The following RANBP2 variants were observed in gnomAD, a reference collection of about 807,000 sequenced individuals.
RANBP2 encodes the protein RAN binding protein 2.
RANBP2 carries 57 observed loss-of-function variants against 303.6 expected under a neutral mutation model. The ratio of observed to expected loss-of-function variants is 0.19; its 90% confidence interval spans 0.15 to 0.23. The LOEUF (loss-of-function observed/expected upper bound fraction) is 0.23. RANBP2 is among the 10% of genes least tolerant of loss of function. RANBP2 has a pLI of 1.00. For missense variants in RANBP2, 3,138 were observed against 3,780.8 expected (o/e 0.83, Z 4.46); for synonymous variants, 1,167 against 1,301.5 (o/e 0.90, Z 2.23).
At chr2:109,666,691 T>C in the RANBP2 span, among the ~76,000 whole-genome samples, 2 of 152,188 alleles carry the variant, frequency 1.3e-5, no homozygotes, top group Non-Finnish European at 2.9e-5. Flanking sequence ...TGGCTGCTAA[T>C]TGGAGGAAAA....
chr2:108,871,370 TAAAAAA>T, the RANBP2 span, among the ~76,000 whole-genome samples: 21 of 76,650 alleles, frequency 2.7e-4, no homozygotes, highest in African/African-American at 5.4e-4. Flanking sequence ...CCAACTCTAT[TAAAAAA>T]AAAAAAAAAA....
At chr2:109,167,555 T>C in the RANBP2 span, among the ~76,000 whole-genome samples, 1 of 152,200 alleles carries the variant, frequency 6.6e-6, no homozygotes, top group South Asian at 2.1e-4. Flanking sequence ...CTGAATTCTT[T>C]TATTTAATTC....
chr2:109,697,198 G>A, the RANBP2 span, among the ~76,000 whole-genome samples: 8 of 152,096 alleles, frequency 5.3e-5, no homozygotes, highest in Admixed American at 6.6e-5. Flanking sequence ...AATATAAAAG[G>A]CATTTCTTTG....
chr2:108,881,743 G>A, the RANBP2 span, among the ~76,000 whole-genome samples: 1 of 152,182 alleles, frequency 6.6e-6, no homozygotes, highest in African/African-American at 2.4e-5. Context: ...GAGAGATGGG[G>A]GATCAGCCAG....
At chr2:109,005,154 C>T in the RANBP2 span, among the ~76,000 whole-genome samples, 1 of 152,226 alleles carries the variant, frequency 6.6e-6, no homozygotes, top group Non-Finnish European at 1.5e-5. Context: ...ACCCTGTGTG[C>T]CAGGCCCCAC....
At chr2:109,471,206 C>T in the RANBP2 span, among the ~76,000 whole-genome samples, 3 of 40,144 alleles carry the variant, frequency 7.5e-5, no homozygotes, top group Non-Finnish European at 2.0e-4. Context: ...GACTCTGTCT[C>T]AAAAAAAAAA....
the RANBP2 span, among the ~76,000 whole-genome samples, chr2:109,558,277 A>C: frequency 4.6e-5 from 7 of 152,316 alleles, no homozygotes; most frequent in African/African-American, 1.4e-4. Context: ...ACTTTTTCCA[A>C]GTCTACTATA....
the RANBP2 span, among the ~76,000 whole-genome samples, chr2:109,589,261 G>A: frequency 6.6e-6 from 1 of 152,082 alleles, no homozygotes; most frequent in Admixed American, 6.6e-5. Context: ...GGTCAGGTGC[G>A]GTGGCTCATG....
At chr2:109,419,855 T>C in the RANBP2 span, among the ~76,000 whole-genome samples, 2 of 152,236 alleles carry the variant, frequency 1.3e-5, no homozygotes, top group Non-Finnish European at 2.9e-5. Context: ...GGACATTTCT[T>C]CTAAGCAGGG....
the RANBP2 span, among the ~76,000 whole-genome samples, chr2:108,818,905 G>A: frequency 6.6e-6 from 1 of 151,904 alleles, no homozygotes; most frequent in African/African-American, 2.4e-5. Context: ...CCATTGAGGA[G>A]TAAATTTGAT....
the RANBP2 span, among the ~76,000 whole-genome samples, chr2:109,012,347 G>A: frequency 3.1e-4 from 47 of 152,260 alleles, no homozygotes; most frequent in African/African-American, 9.1e-4. Flanking sequence ...CATTCCTACC[G>A]CCCCTGATTC....
chr2:109,625,720 T>C, the RANBP2 span, among the ~76,000 whole-genome samples: 7 of 152,132 alleles, frequency 4.6e-5, no homozygotes, highest in Non-Finnish European at 1.0e-4. Flanking sequence ...TATGCCAGCA[T>C]GGGTTGCATC....
chr2:109,613,988 A>C, the RANBP2 span: 2 of 1,078,580 alleles, frequency 1.9e-6, no homozygotes, highest in Non-Finnish European at 2.3e-6. Flanking sequence ...GCCGAGCTGG[A>C]GGCCTCCGGG....
the RANBP2 span, among the ~76,000 whole-genome samples, chr2:109,549,702 C>T: frequency 6.6e-6 from 1 of 152,142 alleles, no homozygotes; most frequent in South Asian, 2.1e-4. Flanking sequence ...CAGGAGGATG[C>T]CTGAAACCAC....
At chr2:109,341,777 A>G in the RANBP2 span, among the ~76,000 whole-genome samples, 1 of 152,214 alleles carries the variant, frequency 6.6e-6, no homozygotes, top group East Asian at 1.9e-4. Context: ...ATCATAAAAC[A>G]TGCTCCAGAA....
At chr2:108,992,970 A>AC in the RANBP2 span, among the ~76,000 whole-genome samples, 29,170 of 152,146 alleles carry the variant, frequency 0.19, 3,026 homozygotes, top group Middle Eastern at 0.27. Context: ...ATCTCAGAGC[A>AC]CCCGCTACTC....
chr2:109,507,966 C>T, the RANBP2 span, among the ~76,000 whole-genome samples: 1 of 152,162 alleles, frequency 6.6e-6, no homozygotes, highest in Non-Finnish European at 1.5e-5. Flanking sequence ...GGTGGGTTCA[C>T]TAAGAAACGC....
chr2:109,444,419 G>T, the RANBP2 span, among the ~76,000 whole-genome samples: 1 of 152,112 alleles, frequency 6.6e-6, no homozygotes, highest in African/African-American at 2.4e-5. Context: ...GCCTTGTTGG[G>T]TGACTTTCAA....
the RANBP2 span, among the ~76,000 whole-genome samples, chr2:109,656,454 C>T: frequency 6.6e-6 from 1 of 152,200 alleles, no homozygotes; most frequent in African/African-American, 2.4e-5. Context: ...TCTCCTGCTT[C>T]AGCCTCCAGA....
Sources: gnomAD v4.1 joint callset for allele counts (sites outside exome capture counted in the v4.1 genomes callset) on GRCh38, gnomAD v4.1.1 for gene constraint, MANE v1.5 for transcripts, NCBI Gene and HGNC (gene_info 2026-07-23, HGNC 2026-07-21) for gene names.